The following MAP3K15 variants were observed in gnomAD, a reference collection of about 807,000 sequenced individuals.
The protein encoded by MAP3K15 is MAPK/ERK kinase kinase 15.
In MAP3K15, 124 loss-of-function variants were observed where a neutral mutation model predicts 99.5. The ratio of observed to expected loss-of-function variants is 1.25; its 90% CI spans 1.08 to 1.45. The LOEUF (loss-of-function observed/expected upper bound fraction) is 1.45, where lower values mean the gene tolerates loss of function less well. Among genes scored for constraint, MAP3K15 ranks in the 40% most tolerant of loss-of-function variants. The pLI is 0.00. For missense variants in MAP3K15, 1,242 were observed against 1,079.7 expected, an observed-to-expected ratio of 1.15 and a Z score of -2.11; for synonymous variants, 494 against 439.6, an observed-to-expected ratio of 1.12 and a Z score of -1.55.
chrX:19,440,004 G>T (rs1331669267), intron 6 of MAP3K15, among the ~76,000 whole-genome samples: 1 of 111,350 alleles, frequency 9.0e-6, no homozygotes, highest in African/African-American at 3.3e-5. Context: ...CTGGAGGATG[G>T]GATGGAAGAA....
intron 9 of MAP3K15, among the ~76,000 whole-genome samples, chrX:19,424,897 T>C (rs1164300254): frequency 9.4e-6 from 1 of 106,395 alleles, no homozygotes; most frequent in African/African-American, 3.4e-5. Context: ...TCCTCCCACC[T>C]CGGCCTCCGA....
chrX:19,389,142 G>A (rs181454471), intron 18 of MAP3K15, among the ~76,000 whole-genome samples: 1 of 110,684 alleles, frequency 9.0e-6, no homozygotes, highest in African/African-American at 3.3e-5. Flanking sequence ...GGGCTGGAGT[G>A]GGAATGGGGA....
Position 19,373,435 on chromosome X carries a change from C to A in MAP3K15, c.2933+101G>T, listed in dbSNP as rs766453823. The A allele has an allele frequency of 4.0e-6, 4 of 1,011,543 alleles. No homozygotes were observed. The African/African-American group carries it at 5.7e-5, about 14-fold the overall frequency. 83.4% of individuals were successfully genotyped at this position (1,011,543 alleles called of 1,213,427 possible). ...ACTGCCCTGCAGAAGGGAAGTAAAA[C>A]CCCTCAGTGGCCATCTGGTTGGGAC... On this transcript the variant is annotated intron_variant, in intron 21 of 28. Coordinates refer to ENST00000338883, the MANE Select transcript of MAP3K15 (RefSeq NM_001001671.4).
Position 19,380,233 on chromosome X carries a change from G to A in MAP3K15, c.2476C>T (p.Arg826Cys), listed in dbSNP as rs141537188. The A allele has an allele frequency of 1.2e-5, 15 of 1,203,906 alleles. No homozygotes were observed. The highest frequency in any genetic ancestry group is 1.7e-5 in the Non-Finnish European group (15 of 893,051). ...MAPEIIDQGPRGYGAPADIWS... is the reference protein window; with the variant it reads ...MAPEIIDQGPCGYGAPADIWS... ...ATATCGGCTGGGGCACCATATCCGCGAGGCCCTTGGTCAATTATCTCAGGT... is the reference window on the plus strand; with the variant it reads ...ATATCGGCTGGGGCACCATATCCGCAAGGCCCTTGGTCAATTATCTCAGGT... Residue 826 changes from arginine (R) to cysteine (C), a missense_variant, in exon 19 of 29, where the codon CGC becomes TGC. Coordinates refer to ENST00000338883, the MANE Select transcript of MAP3K15 (RefSeq NM_001001671.4).
At chrX:19,412,698 A>G (rs1022874766) in intron 11 of MAP3K15, among the ~76,000 whole-genome samples, 27 of 111,336 alleles carry the variant, frequency 2.4e-4, no homozygotes, top group Non-Finnish European at 1.1e-4. Flanking sequence ...TAGTTGAGGA[A>G]TATCAAGAAA....
intron 1 of MAP3K15, among the ~76,000 whole-genome samples, chrX:19,495,934 T>C (rs1399635384): frequency 1.8e-5 from 2 of 110,971 alleles, no homozygotes; most frequent in Non-Finnish European, 3.8e-5. Context: ...CCAGCTTAGG[T>C]GACAGAGTGA....
intron 3 of MAP3K15, among the ~76,000 whole-genome samples, chrX:19,483,086 T>TAA (rs765257605): frequency 9.2e-4 from 89 of 96,462 alleles, no homozygotes; most frequent in African/African-American, 2.7e-3. Flanking sequence ...CTGTCTCTAC[T>TAA]AAAAAAAAAA....
In MAP3K15 at chrX:19,363,625, G is replaced by T. The variant is rs2063312888; in HGVS notation, c.3567-775C>A. Among the ~76,000 whole-genome samples the T allele has an allele frequency of 3.7e-5, 4 of 109,405 alleles. No individual in the cohort carries two copies. In the South Asian group the frequency reaches 1.5e-3, roughly 42 times the overall value. On this transcript the variant is annotated intron_variant, in intron 25 of 28. Transcript: ENST00000338883. ...CCTCACACAGGGACTAAACGAAGGG[G>T]ACAGAAGCCCCTGCTTCTTATTTTG... is the stretch of plus-strand genomic sequence containing the variant.
At chrX:19,481,939 G>A (rs2064292242) in intron 3 of MAP3K15, 1 of 110,514 alleles carries the variant, frequency 9.0e-6, no homozygotes, top group African/African-American at 3.3e-5. Context: ...CACTTTGGGA[G>A]GCTGAGGCAG....
chrX:19,415,249 C>G lies in MAP3K15; in HGVS notation c.1448G>C (p.Arg483Pro). The G allele has an allele frequency of 8.6e-7, 1 of 1,167,550 alleles. No individual in the cohort carries two copies. The highest frequency in any genetic ancestry group is 3.1e-5 in the East Asian group (1 of 32,783). Residue 483 changes from arginine to proline, a missense_variant, in exon 10 of 29, where the codon CGA becomes CCA. Transcript: ENST00000338883. The stretch of plus-strand genomic sequence containing the variant: ...TAGTAACAAGTTCTGAACTAATGAT[C>G]GCAGGTACCTGGAAAAATCACAAAC... ...FKLKPPVWYL[R>P]SLVQNLLLIR...
intron 2 of MAP3K15, among the ~76,000 whole-genome samples, chrX:19,487,217 A>G (rs1602346369): frequency 9.0e-6 from 1 of 110,617 alleles, no homozygotes; most frequent in African/African-American, 3.3e-5. Flanking sequence ...TTATTTCCTG[A>G]TAACAAGTGC....
chrX:19,360,443 C>G lies in MAP3K15; in HGVS notation c.*306G>C, dbSNP rs1438020111. 8.7e-6 allele frequency: 2 copies of G among 230,767 alleles called. No homozygotes were observed. Among genetic ancestry groups the G allele is most frequent in the African/African-American group, 6.0e-5 (2 of 33,184 alleles). 19.0% of individuals were successfully genotyped at this position (230,767 alleles called of 1,213,427 possible). A position where few individuals can be genotyped will look rare whatever the true frequency, so the allele number is the denominator to read the frequency against. On this transcript the variant is annotated 3_prime_UTR_variant, in exon 29 of 29. Transcript: ENST00000338883. Reference sequence around the variant, plus strand: ...TCATGGCTCACTGCAGCCTCCACACCTCCTGGGCTCAAGCAATCCTCCCAC... The same window carrying G: ...TCATGGCTCACTGCAGCCTCCACACGTCCTGGGCTCAAGCAATCCTCCCAC...
intron 3 of MAP3K15, among the ~76,000 whole-genome samples, chrX:19,484,788 A>G (rs2064312011): frequency 8.9e-6 from 1 of 112,153 alleles, no homozygotes; most frequent in Non-Finnish European, 1.9e-5. Flanking sequence ...TTGCTTGTAT[A>G]ACAAATATGG....
At chrX:19,437,094 G>T (rs918173504) in intron 6 of MAP3K15, among the ~76,000 whole-genome samples, 2 of 111,755 alleles carry the variant, frequency 1.8e-5, no homozygotes, top group Non-Finnish European at 1.9e-5. Context: ...AGTCATGTTT[G>T]GTTCCTCTAA....
intron 9 of MAP3K15, among the ~76,000 whole-genome samples, chrX:19,417,787 C>T (rs1053223748): frequency 6.2e-5 from 7 of 112,018 alleles, no homozygotes; most frequent in Non-Finnish European, 1.3e-4. Flanking sequence ...CTGGGAGGCA[C>T]CCCCCAGTAG....
At chrX:19,383,496 T>C (rs1035175563) in intron 18 of MAP3K15, among the ~76,000 whole-genome samples, 2 of 111,819 alleles carry the variant, frequency 1.8e-5, no homozygotes, top group African/African-American at 6.5e-5. Flanking sequence ...AATTCTAAAT[T>C]TGGAGATTTT....
intron 6 of MAP3K15, among the ~76,000 whole-genome samples, chrX:19,449,068 T>C (rs113205181): frequency 9.1e-6 from 1 of 109,560 alleles, no homozygotes. Flanking sequence ...GGGCCACTTT[T>C]TGGCCACATT....
At chrX:19,511,152 C>T (rs1215316383) in intron 1 of MAP3K15, among the ~76,000 whole-genome samples, 3 of 111,607 alleles carry the variant, frequency 2.7e-5, no homozygotes, top group Non-Finnish European at 3.8e-5. Flanking sequence ...TTTCTTACAC[C>T]TTATACAAAA....
intron 1 of MAP3K15, among the ~76,000 whole-genome samples, chrX:19,498,489 G>C (rs2064420901): frequency 8.9e-6 from 1 of 111,734 alleles, no homozygotes. Flanking sequence ...AAAGCAAATG[G>C]TCTTTCTCCG....
Sources: gnomAD v4.1 joint callset for allele counts (sites outside exome capture counted in the v4.1 genomes callset) on GRCh38, gnomAD v4.1.1 for gene constraint, MANE v1.5 for transcripts, NCBI Gene and HGNC (gene_info 2026-07-23, HGNC 2026-07-21) for gene names.